Variants in TPTE2 observed in about 807,000 individuals in gnomAD.
The protein encoded by TPTE2 is transmembrane phosphoinositide 3-phosphatase and tensin homolog 2.
TPTE2 carries 53 observed loss-of-function variants against 78.6 expected under a neutral mutation model. The ratio of observed to expected loss-of-function variants is 0.67; its 90% CI spans 0.54 to 0.85. The LOEUF (loss-of-function observed/expected upper bound fraction) is 0.85. TPTE2 is among the 40% of genes least tolerant of loss of function. TPTE2 has a pLI of 0.00. For missense variants in TPTE2, 461 were observed against 623.0 expected (o/e 0.74, Z 2.77); for synonymous variants, 175 against 206.2 (o/e 0.85, Z 1.30).
chr13:19,496,791 G>A (rs1377833518), intron 1 of TPTE2, among the ~76,000 whole-genome samples: 5 of 152,186 alleles, frequency 3.3e-5, no homozygotes, highest in Admixed American at 1.3e-4. Context: ...AATCTCGGAG[G>A]AGGAGCCAAG....
intron 1 of TPTE2, among the ~76,000 whole-genome samples, chr13:19,498,407 G>C (rs868850545): frequency 8.6e-5 from 13 of 151,504 alleles, no homozygotes; most frequent in African/African-American, 3.2e-4. Context: ...AGAAAGGTCG[G>C]GTTACCCTCA....
intron 18 of TPTE2, chr13:19,425,952 G>C (rs1245018849): frequency 4.5e-6 from 2 of 439,680 alleles, no homozygotes; most frequent in Non-Finnish European, 8.9e-6. Flanking sequence ...CCAGCTACTC[G>C]GGAGGCTGAG....
intron 11 of TPTE2, 133 bp downstream of exon 14, chr13:19,451,032 G>A (rs1213522698): frequency 1.8e-6 from 2 of 1,102,428 alleles, no homozygotes; most frequent in African/African-American, 1.6e-5. Flanking sequence ...GTCCAAGATG[G>A]GGATTTTTAA....
intron 1 of TPTE2, among the ~76,000 whole-genome samples, chr13:19,534,607 C>T (rs1011564206): frequency 2.0e-5 from 3 of 152,148 alleles, no homozygotes; most frequent in African/African-American, 7.2e-5. Context: ...ACCACCATCA[C>T]TCATATACTA....
intron 1 of TPTE2, among the ~76,000 whole-genome samples, chr13:19,520,440 T>G (rs74807056): frequency 0.017 from 2,621 of 152,072 alleles, 36 homozygotes; most frequent in Non-Finnish European, 0.026. Flanking sequence ...GTTTAGGTTT[T>G]TTGTTGTTGT....
intron 7 of TPTE2, among the ~76,000 whole-genome samples, chr13:19,465,855 G>A (rs1879239424): frequency 1.3e-5 from 2 of 152,154 alleles, no homozygotes; most frequent in Admixed American, 1.3e-4. Flanking sequence ...ACAATGATCT[G>A]GCCCAAAATG....
chr13:19,516,423 T>G (rs1244030964), intron 1 of TPTE2, among the ~76,000 whole-genome samples: 1 of 152,164 alleles, frequency 6.6e-6, no homozygotes, highest in Non-Finnish European at 1.5e-5. Flanking sequence ...GATCAAGCAT[T>G]GGGTGTCATC....
chr13:19,515,132 A>G (rs371370007), intron 1 of TPTE2, among the ~76,000 whole-genome samples: 3 of 152,354 alleles, frequency 2.0e-5, no homozygotes, highest in African/African-American at 7.2e-5. Flanking sequence ...ATACACAAAC[A>G]TTCTCCTCAA....
chr13:19,430,623 G>A (rs1338788547), intron 16 of TPTE2, 76 bp from the exon 20 acceptor site: 13 of 900,672 alleles, frequency 1.4e-5, no homozygotes, highest in East Asian at 5.3e-5. Flanking sequence ...TTAACATCAT[G>A]GATTAAAAAG....
chr13:19,491,741 C>T (rs2137637077), intron 3 of TPTE2, among the ~76,000 whole-genome samples: 1 of 152,206 alleles, frequency 6.6e-6, no homozygotes, highest in Admixed American at 6.5e-5. Flanking sequence ...AGGAAAATCG[C>T]TTGAACCCGG....
At chr13:19,441,182 C>T (rs992339127) in intron 13 of TPTE2, among the ~76,000 whole-genome samples, 30 of 151,788 alleles carry the variant, frequency 2.0e-4, no homozygotes, top group Admixed American at 1.7e-3. Context: ...AACCAAATAC[C>T]GTATGTTCTC....
chr13:19,511,439 T>C (rs1869435569), intron 1 of TPTE2, among the ~76,000 whole-genome samples: 1 of 152,118 alleles, frequency 6.6e-6, no homozygotes. Context: ...CATATGAAAA[T>C]TGTTGCATAT....
chr13:19,453,068 C>A (rs1250270921), intron 10 of TPTE2, among the ~76,000 whole-genome samples: 1 of 148,816 alleles, frequency 6.7e-6, no homozygotes, highest in African/African-American at 2.5e-5. Flanking sequence ...ACTCTTGTTG[C>A]CCAGGCTGGA....
At chr13:19,509,503 C>G (rs1223439863) in intron 1 of TPTE2, among the ~76,000 whole-genome samples, 1 of 151,966 alleles carries the variant, frequency 6.6e-6, no homozygotes, top group East Asian at 1.9e-4. Flanking sequence ...AATGTGAAAA[C>G]TTGGATGGAA....
chr13:19,508,871 A>G (rs1464500790), intron 1 of TPTE2, among the ~76,000 whole-genome samples: 1 of 152,088 alleles, frequency 6.6e-6, no homozygotes, highest in Non-Finnish European at 1.5e-5. Flanking sequence ...CAAAAGACCT[A>G]TGAGGGCACA....
chr13:19,503,112 GATGGATGC>G lies in TPTE2; in HGVS notation c.11+104_11+111del, dbSNP rs1223124182. 1.4e-5 allele frequency: 21 copies of G among 1,466,388 alleles called. No homozygotes were observed. The East Asian group carries it at 2.6e-4, about 18-fold the overall frequency. 90.8% of individuals were successfully genotyped at this position (1,466,388 alleles called of 1,614,324 possible). A position where few individuals can be genotyped will look rare whatever the true frequency, so the allele number is the denominator to read the frequency against. ...GATGTGTTTGGGAGAAGTGTGTATGGATGGATGCATGGATGCATGGATGGATATATTTG... is the reference window on the plus strand; with the variant it reads ...GATGTGTTTGGGAGAAGTGTGTATGGATGGATGCATGGATGGATATATTTG... On this transcript the variant is annotated intron_variant, in intron 1 of 19. Coordinates refer to ENST00000400230, the Ensembl canonical transcript of TPTE2.
chr13:19,519,196 T>C (rs1388966017), intron 1 of TPTE2, among the ~76,000 whole-genome samples: 1 of 152,132 alleles, frequency 6.6e-6, no homozygotes, highest in East Asian at 1.9e-4. Context: ...TTTTGAAATA[T>C]GCCCAGAGCA....
At chr13:19,544,946 A>T in the TPTE2 span, among the ~76,000 whole-genome samples, 1 of 139,896 alleles carries the variant, frequency 7.1e-6, no homozygotes, top group African/African-American at 2.9e-5. Flanking sequence ...ACACACACAC[A>T]CACACACACA....
At chr13:19,498,309 T>C (rs1052652787) in intron 1 of TPTE2, among the ~76,000 whole-genome samples, 2 of 150,744 alleles carry the variant, frequency 1.3e-5, no homozygotes, top group African/African-American at 2.4e-5. Context: ...GCCACAAAGA[T>C]ACTCCTCGAG....
Sources: gnomAD v4.1 joint callset for allele counts (sites outside exome capture counted in the v4.1 genomes callset) on GRCh38, gnomAD v4.1.1 for gene constraint, MANE v1.5 for transcripts, NCBI Gene and HGNC (gene_info 2026-07-23, HGNC 2026-07-21) for gene names.